Variants in HHAT observed in about 807,000 individuals in gnomAD.
The protein encoded by HHAT is hedgehog acyltransferase, also known as protein-cysteine N-palmitoyltransferase HHAT.
A neutral mutation model predicts 70.8 loss-of-function variants in HHAT; 47 were observed. The ratio of observed to expected loss-of-function variants is 0.66; its 90% CI spans 0.53 to 0.85. The LOEUF (loss-of-function observed/expected upper bound fraction) is 0.85, where lower values mean the gene tolerates loss of function less well. Ranked by LOEUF, HHAT falls within the 40% of genes least tolerant of loss-of-function variation. The pLI, the probability that HHAT is intolerant of heterozygous loss-of-function variation, is 0.00. For synonymous variants in HHAT, 228 were observed against 247.6 expected (o/e 0.92, Z 0.74); for missense variants, 609 against 604.8 (o/e 1.01, Z -0.07).
At chr1:210,335,887 A>G (rs1027139857) in intron 1 of HHAT, among the ~76,000 whole-genome samples, 1 of 151,524 alleles carries the variant, frequency 6.6e-6, no homozygotes, top group African/African-American at 2.4e-5. Context: ...CACAAAAAGC[A>G]CTAATTGGTA....
intron 7 of HHAT, among the ~76,000 whole-genome samples, chr1:210,460,953 T>G (rs1035490694): frequency 9.2e-5 from 14 of 152,218 alleles, no homozygotes; most frequent in African/African-American, 3.4e-4. Flanking sequence ...GTGTAATACA[T>G]GAACTCATAT....
chr1:210,328,998 G>T lies in HHAT; in HGVS notation c.-150G>T, dbSNP rs1278311569. 1.1e-5 allele frequency: 15 copies of T among 1,373,238 alleles called. No individual in the cohort carries two copies. The highest frequency in any genetic ancestry group is 1.4e-5 in the Non-Finnish European group (15 of 1,061,842). The allele number at this position is 1,373,238 out of a possible 1,614,324, so 85.1% of individuals were successfully genotyped here. ...AGAGGGTGGCGTCCCGGGGAAGCCC[G>T]CAGCCGCCGCCGATGTCGCTGGGAC... On this transcript the variant is annotated 5_prime_UTR_variant, in exon 1 of 12. Transcript: ENST00000261458.
chr1:210,591,173 T>C (rs866844600), intron 10 of HHAT, among the ~76,000 whole-genome samples: 2 of 152,130 alleles, frequency 1.3e-5, no homozygotes, highest in African/African-American at 2.4e-5. Flanking sequence ...TATATAGCTA[T>C]ATTTTTGTGC....
intron 7 of HHAT, among the ~76,000 whole-genome samples, chr1:210,428,694 G>A (rs752496093): frequency 6.6e-5 from 10 of 151,618 alleles, no homozygotes; most frequent in Middle Eastern, 3.2e-3. Context: ...AAACCTTCGT[G>A]GGCCAGGTGT....
At chr1:210,425,607 C>A (rs1572352509) in intron 7 of HHAT, among the ~76,000 whole-genome samples, 1 of 152,020 alleles carries the variant, frequency 6.6e-6, no homozygotes, top group African/African-American at 2.4e-5. Flanking sequence ...AATTATTTCC[C>A]CATTGCTTGT....
intron 10 of HHAT, among the ~76,000 whole-genome samples, chr1:210,593,141 C>T (rs988316694): frequency 6.6e-6 from 1 of 152,066 alleles, no homozygotes; most frequent in African/African-American, 2.4e-5. Flanking sequence ...TTGGAAAAAA[C>T]CAACTTTTCA....
In HHAT at chr1:210,464,513, G is replaced by A; in HGVS notation, c.865G>A (p.Ala289Thr). The change falls in exon 8 of 12, where the codon GCG (alanine) becomes ACG (threonine). Residue 289 changes from alanine (A) to threonine (T), a missense_variant. Physicochemically the swap from Ala to Thr is moderately conservative, Grantham distance 58. Transcript: ENST00000261458. ...GTCTGTTTGCCTTTCAGGAGGACTGGCGTTAGCCCAGGTGCTCTTTTTCTA... is the reference window on the plus strand; with the variant it reads ...GTCTGTTTGCCTTTCAGGAGGACTGACGTTAGCCCAGGTGCTCTTTTTCTA... ...TVSCWTLGGL[A>T]LAQVLFFYVK... The A allele has an allele frequency of 6.2e-7, 1 of 1,614,192 alleles. No homozygotes were observed. Among genetic ancestry groups the A allele is most frequent in the Non-Finnish European group, 8.5e-7 (1 of 1,180,006 alleles).
chr1:210,354,788 G>T (rs182289370), intron 2 of HHAT, among the ~76,000 whole-genome samples: 1 of 152,012 alleles, frequency 6.6e-6, no homozygotes, highest in African/African-American at 2.4e-5. Flanking sequence ...ATTAGTTATT[G>T]GTTCTTTGTT....
At chr1:210,417,634 A>T (rs537951760) in intron 6 of HHAT, among the ~76,000 whole-genome samples, 1 of 152,308 alleles carries the variant, frequency 6.6e-6, no homozygotes, top group Admixed American at 6.5e-5. Flanking sequence ...GTTTCAAAAA[A>T]CAACTTAGGG....
chr1:210,658,664 C>CA lies in HHAT; in HGVS notation c.1391-15620dup, dbSNP rs534837412. On this transcript the variant is annotated intron_variant, in intron 11 of 11. Transcript: ENST00000261458. Reference sequence around the variant, plus strand: ...TCTCAGCACCACACTGCAATTATTCCAAAACTGACCACATAGTTGGAAGTG... The same window carrying CA: ...TCTCAGCACCACACTGCAATTATTCCAAAAACTGACCACATAGTTGGAAGTG... 8.2e-3 allele frequency among the ~76,000 whole-genome samples: 1,251 copies of CA among 152,250 alleles called. 7 individuals are homozygous for CA. Among genetic ancestry groups the CA allele is most frequent in the Non-Finnish European group, 0.014 (945 of 68,014 alleles).
At chr1:210,437,655 A>G (rs559759627) in intron 7 of HHAT, among the ~76,000 whole-genome samples, 6 of 151,914 alleles carry the variant, frequency 3.9e-5, no homozygotes, top group African/African-American at 1.5e-4. Context: ...TGATGTGCAC[A>G]GGCCATGCTA....
chr1:210,597,669 A>G (rs577712503), intron 10 of HHAT, among the ~76,000 whole-genome samples: 1 of 151,984 alleles, frequency 6.6e-6, no homozygotes, highest in African/African-American at 2.4e-5. Context: ...TCAGGGTCCA[A>G]GGGCTCTTCA....
intron 9 of HHAT, among the ~76,000 whole-genome samples, chr1:210,552,339 C>T (rs1408789285): frequency 6.6e-6 from 1 of 152,158 alleles, no homozygotes; most frequent in African/African-American, 2.4e-5. Flanking sequence ...ATGTAGGTAA[C>T]TTACATGTCC....
chr1:210,558,134 T>G (rs775639736), intron 9 of HHAT, among the ~76,000 whole-genome samples: 1 of 152,198 alleles, frequency 6.6e-6, no homozygotes, highest in Non-Finnish European at 1.5e-5. Context: ...CAGAGAGTTT[T>G]TCGTTACTCA....
At position 210,464,514 on chromosome 1, in the gene HHAT, C is replaced by A; in HGVS notation, c.866C>A (p.Ala289Glu). The A allele has an allele frequency of 6.2e-7, 1 of 1,614,140 alleles. No individual in the cohort carries two copies. The highest frequency in any genetic ancestry group is 1.1e-5 in the South Asian group (1 of 91,078). Residue 289 changes from alanine to glutamate, a missense_variant, in exon 8 of 12, where the codon GCG (alanine) becomes GAG (glutamate). Transcript: ENST00000261458. ...TVSCWTLGGL[A>E]LAQVLFFYVK... ...TCTGTTTGCCTTTCAGGAGGACTGG[C>A]GTTAGCCCAGGTGCTCTTTTTCTAC...
intron 3 of HHAT, among the ~76,000 whole-genome samples, chr1:210,378,246 T>A (rs1285788408): frequency 6.6e-6 from 1 of 152,190 alleles, no homozygotes; most frequent in East Asian, 1.9e-4. Context: ...AGGGAAACAT[T>A]TATGATTTCA....
At chr1:210,656,297 G>T (rs36088644) in intron 11 of HHAT, among the ~76,000 whole-genome samples, 7,317 of 151,588 alleles carry the variant, frequency 0.048, 269 homozygotes, top group Non-Finnish European at 0.075. Flanking sequence ...AGGAAGTGGC[G>T]GCTGTGTGAC....
intron 6 of HHAT, among the ~76,000 whole-genome samples, chr1:210,406,173 GAA>G (rs1297824603): frequency 6.6e-6 from 1 of 152,034 alleles, no homozygotes; most frequent in African/African-American, 2.4e-5. Context: ...GTGAACTTTT[GAA>G]TTATTCTCAG....
intron 11 of HHAT, among the ~76,000 whole-genome samples, chr1:210,667,793 T>C (rs1679237225): frequency 6.6e-6 from 1 of 152,238 alleles, no homozygotes; most frequent in African/African-American, 2.4e-5. Flanking sequence ...CAAGGGCTTC[T>C]TCACTCAGCA....
Sources: gnomAD v4.1 joint callset for allele counts (sites outside exome capture counted in the v4.1 genomes callset) on GRCh38, gnomAD v4.1.1 for gene constraint, MANE v1.5 for transcripts, NCBI Gene and HGNC (gene_info 2026-07-23, HGNC 2026-07-21) for gene names.